Variants in MLLT3 observed in about 807,000 individuals in gnomAD.
MLLT3 encodes protein AF-9.
In MLLT3, 4 loss-of-function variants were observed where a neutral mutation model predicts 53.2. The observed-to-expected ratio is 0.08, with a 90% CI of 0.04 to 0.17. MLLT3 has a LOEUF of 0.17. Among genes scored for constraint, MLLT3 ranks in the 10% least tolerant of loss-of-function variants. MLLT3 has a pLI of 1.00. For synonymous variants in MLLT3, 283 were observed against 230.6 expected, an observed-to-expected ratio of 1.23 and a Z score of -2.06; for missense variants, 569 against 684.0, an observed-to-expected ratio of 0.83 and a Z score of 1.87.
intron 2 of MLLT3, among the ~76,000 whole-genome samples, chr9:20,617,543 T>C (rs1820863382): frequency 6.6e-6 from 1 of 152,170 alleles, no homozygotes; most frequent in Non-Finnish European, 1.5e-5. Flanking sequence ...ATTCACATCA[T>C]ACTAAAAACA....
chr9:20,409,251 G>A (rs954892890), intron 5 of MLLT3, among the ~76,000 whole-genome samples: 3 of 152,168 alleles, frequency 2.0e-5, no homozygotes, highest in African/African-American at 4.8e-5. Context: ...CTGATCATAC[G>A]TGGTTATCTC....
At chr9:20,435,778 A>C (rs1193222284) in intron 4 of MLLT3, among the ~76,000 whole-genome samples, 1 of 152,188 alleles carries the variant, frequency 6.6e-6, no homozygotes, top group Non-Finnish European at 1.5e-5. Context: ...AAGCAGAAAC[A>C]AAAGAATAAA....
intron 2 of MLLT3, among the ~76,000 whole-genome samples, chr9:20,597,547 T>C (rs1587116251): frequency 6.6e-6 from 1 of 152,190 alleles, no homozygotes. Context: ...TTTTCAACCA[T>C]ACAAATGAGG....
intron 6 of MLLT3, among the ~76,000 whole-genome samples, chr9:20,364,832 T>C (rs1478296014): frequency 6.6e-6 from 1 of 152,196 alleles, no homozygotes; most frequent in Non-Finnish European, 1.5e-5. Flanking sequence ...TTGATACCTA[T>C]GCATTTTTCA....
intron 2 of MLLT3, among the ~76,000 whole-genome samples, chr9:20,552,759 A>G (rs1437946008): frequency 2.0e-5 from 3 of 152,208 alleles, no homozygotes; most frequent in Non-Finnish European, 4.4e-5. Context: ...CTTAGGAAAT[A>G]GTTTTAATAG....
intron 2 of MLLT3, among the ~76,000 whole-genome samples, chr9:20,549,156 C>G (rs891780771): frequency 3.3e-5 from 5 of 152,266 alleles, no homozygotes; most frequent in Non-Finnish European, 7.4e-5. Flanking sequence ...TAAAATGAGG[C>G]ATTAGGAATA....
At chr9:20,416,380 C>T (rs1822872238) in intron 4 of MLLT3, among the ~76,000 whole-genome samples, 1 of 151,770 alleles carries the variant, frequency 6.6e-6, no homozygotes. Context: ...TTTAACCTAC[C>T]AACATATTTC....
intron 5 of MLLT3, among the ~76,000 whole-genome samples, chr9:20,386,432 T>C (rs1822037939): frequency 6.6e-6 from 1 of 152,236 alleles, no homozygotes. Context: ...CTGAATTATG[T>C]GTGGCTTTTC....
intron 4 of MLLT3, among the ~76,000 whole-genome samples, chr9:20,435,498 G>A (rs1255828922): frequency 3.1e-4 from 47 of 152,156 alleles, no homozygotes; most frequent in Admixed American, 2.7e-3. Context: ...CTGGCATTAA[G>A]TGTGGCCCAC....
intron 2 of MLLT3, among the ~76,000 whole-genome samples, chr9:20,566,003 T>C (rs1230968880): frequency 1.5e-5 from 2 of 132,264 alleles, no homozygotes; most frequent in Non-Finnish European, 3.1e-5. Context: ...TATTTATTTA[T>C]ATATATATTT....
At chr9:20,419,770 C>G (rs1822960768) in intron 4 of MLLT3, among the ~76,000 whole-genome samples, 1 of 152,250 alleles carries the variant, frequency 6.6e-6, no homozygotes, top group South Asian at 2.1e-4. Flanking sequence ...CAACCACTGT[C>G]CCCGCCAAAG....
At chr9:20,560,341 T>A (rs1199069402) in intron 2 of MLLT3, among the ~76,000 whole-genome samples, 1 of 152,174 alleles carries the variant, frequency 6.6e-6, no homozygotes, top group African/African-American at 2.4e-5. Flanking sequence ...TTTTGAAAGA[T>A]GATGTATACG....
At position 20,438,103 on chromosome 9, in the gene MLLT3, T is replaced by A. The variant is rs192234057; in HGVS notation, c.420+10020A>T. On this transcript the variant is annotated intron_variant, in intron 4 of 10. Transcript: ENST00000380338. ...CAAAGCAGAGTGGCAGAATGAGAGG[T>A]CAAGCTAAACCTTTGAAAGAACATG... 1.8e-4 allele frequency among the ~76,000 whole-genome samples: 28 copies of A among 152,234 alleles called. No individual in the cohort carries two copies. In the East Asian group the frequency reaches 5.4e-3, roughly 29 times the overall value.
At chr9:20,563,195 A>G (rs1467829362) in intron 2 of MLLT3, among the ~76,000 whole-genome samples, 1 of 152,174 alleles carries the variant, frequency 6.6e-6, no homozygotes, top group Non-Finnish European at 1.5e-5. Flanking sequence ...TCTTTAAAAC[A>G]TATGGATTAC....
intron 5 of MLLT3, among the ~76,000 whole-genome samples, chr9:20,366,625 TTC>T (rs1436137884): frequency 6.6e-6 from 1 of 152,234 alleles, no homozygotes; most frequent in Non-Finnish European, 1.5e-5. Context: ...CCACACTGTC[TTC>T]CACAATGGTT....
intron 2 of MLLT3, among the ~76,000 whole-genome samples, chr9:20,574,558 T>C (rs1038441496): frequency 2.0e-5 from 3 of 152,238 alleles, no homozygotes; most frequent in African/African-American, 7.2e-5. Context: ...TTAAAAATAA[T>C]GCATAGACCT....
intron 5 of MLLT3, among the ~76,000 whole-genome samples, chr9:20,374,004 A>C (rs1386440955): frequency 6.6e-6 from 1 of 152,026 alleles, no homozygotes; most frequent in Non-Finnish European, 1.5e-5. Flanking sequence ...AAAAAAAAAA[A>C]CCACTTAAAA....
chr9:20,457,233 G>A (rs914654820), intron 2 of MLLT3, among the ~76,000 whole-genome samples: 11 of 141,310 alleles, frequency 7.8e-5, no homozygotes, highest in Admixed American at 1.4e-4. Context: ...TCCTGACAAG[G>A]ACATCTTTTT....
rs540635227 is a variant in MLLT3, at chr9:20,465,597, C to T, written c.194-8811G>A. 3.3e-5 allele frequency among the ~76,000 whole-genome samples: 5 copies of T among 152,140 alleles called. No individual in the cohort carries two copies. The East Asian group carries it at 5.8e-4, about 18-fold the overall frequency. ...GAGTTTTAAAAAATAGCCTAGGAGA[C>T]CATCAGAACCTAACTCGACAGAAAC... On this transcript the variant is annotated intron_variant, in intron 2 of 10. Transcript: ENST00000380338.
Sources: gnomAD v4.1 joint callset for allele counts (sites outside exome capture counted in the v4.1 genomes callset) on GRCh38, gnomAD v4.1.1 for gene constraint, MANE v1.5 for transcripts, NCBI Gene and HGNC (gene_info 2026-07-23, HGNC 2026-07-21) for gene names.